The following HECW1 variants were observed in gnomAD, a reference collection of about 807,000 sequenced individuals.
HECW1 encodes E3 ubiquitin-protein ligase HECW1.
In HECW1, 61 loss-of-function variants were observed where a neutral mutation model predicts 182.3. The ratio of observed to expected loss-of-function variants is 0.33; its 90% CI spans 0.27 to 0.41. The LOEUF (loss-of-function observed/expected upper bound fraction) is 0.41, where lower values mean the gene tolerates loss of function less well. Among genes scored for constraint, HECW1 ranks in the 10% least tolerant of loss-of-function variants. The pLI is 1.00. For synonymous variants in HECW1, 859 were observed against 832.6 expected (o/e 1.03, Z -0.55); for missense variants, 1,739 against 2,108.9 (o/e 0.82, Z 3.44).
rs528821446 is a variant in HECW1, at chr7:43,426,849, T to C, written c.802-11154T>C. ...TTTATTTTCTGGAAAATATTCATTA[T>C]ATATGCTTTCTATTTATTTTCAGAA... On this transcript the variant is annotated intron_variant, in intron 8 of 29. Coordinates refer to ENST00000395891, the MANE Select transcript of HECW1 (RefSeq NM_015052.5). 1.8e-4 allele frequency among the ~76,000 whole-genome samples: 28 copies of C among 152,284 alleles called. No individual in the cohort carries two copies. In the South Asian group the frequency reaches 3.5e-3, roughly 19 times the overall value.
intron 3 of HECW1, among the ~76,000 whole-genome samples, chr7:43,283,007 A>G (rs1170506355): frequency 6.6e-6 from 1 of 152,072 alleles, no homozygotes; most frequent in Non-Finnish European, 1.5e-5. Flanking sequence ...AATCCCAGCT[A>G]CTCGGGAGGC....
At chr7:43,345,799 TACACACACACAC>T (rs58255657) in intron 5 of HECW1, among the ~76,000 whole-genome samples, 4 of 150,790 alleles carry the variant, frequency 2.7e-5, no homozygotes, top group Middle Eastern at 3.4e-3. Flanking sequence ...ATCATATATA[TACACACACACAC>T]ACACACACAC....
intron 16 of HECW1, among the ~76,000 whole-genome samples, chr7:43,473,356 A>G (rs2078096892): frequency 6.6e-6 from 1 of 152,200 alleles, no homozygotes; most frequent in Non-Finnish European, 1.5e-5. Flanking sequence ...ACACAAACAC[A>G]CTAAGACACT....
intron 3 of HECW1, among the ~76,000 whole-genome samples, chr7:43,244,995 T>C (rs997066628): frequency 6.6e-6 from 1 of 152,246 alleles, no homozygotes; most frequent in Non-Finnish European, 1.5e-5. Flanking sequence ...CACAGGGCCC[T>C]GCTGCCTACT....
intron 5 of HECW1, among the ~76,000 whole-genome samples, chr7:43,324,881 A>G (rs1468641119): frequency 6.6e-6 from 1 of 150,412 alleles, no homozygotes; most frequent in Non-Finnish European, 1.5e-5. Flanking sequence ...ATTTCTTTTT[A>G]TGAGATTGGA....
At chr7:43,553,779 G>T (rs534243913) in intron 28 of HECW1, among the ~76,000 whole-genome samples, 1 of 151,346 alleles carries the variant, frequency 6.6e-6, no homozygotes, top group Admixed American at 6.6e-5. Flanking sequence ...GTGGCTTACT[G>T]TTGCCTGCAT....
chr7:43,202,881 A>G (rs1343760244), intron 2 of HECW1, among the ~76,000 whole-genome samples: 2 of 152,106 alleles, frequency 1.3e-5, no homozygotes, highest in Admixed American at 6.5e-5. Context: ...AAGCTCCCCA[A>G]CGGAGCACCT....
At chr7:43,393,057 A>G (rs1324906749) in intron 6 of HECW1, among the ~76,000 whole-genome samples, 1 of 152,220 alleles carries the variant, frequency 6.6e-6, no homozygotes, top group East Asian at 1.9e-4. Flanking sequence ...AATACCCTGC[A>G]GAATCTTCTA....
At chr7:43,175,476 T>C (rs1792137405) in intron 2 of HECW1, among the ~76,000 whole-genome samples, 1 of 152,362 alleles carries the variant, frequency 6.6e-6, no homozygotes, top group South Asian at 2.1e-4. Context: ...ATTGTCATTA[T>C]TTTTAAAGTT....
At chr7:43,313,868 T>C (rs1376111309) in intron 4 of HECW1, among the ~76,000 whole-genome samples, 2 of 152,164 alleles carry the variant, frequency 1.3e-5, no homozygotes, top group Non-Finnish European at 1.5e-5. Context: ...CTCCCACCCA[T>C]TCGGACCTTC....
At position 43,133,445 on chromosome 7, in the gene HECW1, T is replaced by C. The variant is rs191798880; in HGVS notation, c.-32+19054T>C. Among the ~76,000 whole-genome samples the C allele has an allele frequency of 6.8e-3, 1,028 of 152,142 alleles. 13 individuals carry two copies. The highest frequency in any genetic ancestry group is 0.024 in the African/African-American group (982 of 41,570). ...CTGATAAATTAATTCATTAATCTTA[T>C]GGTTATTGGTCTCTTTAGTTTTTAT... On this transcript the variant is annotated intron_variant, in intron 2 of 29. Transcript: ENST00000395891.
At chr7:43,169,909 T>C (rs111430984) in intron 2 of HECW1, among the ~76,000 whole-genome samples, 382 of 152,290 alleles carry the variant, frequency 2.5e-3, no homozygotes, top group African/African-American at 8.7e-3. Context: ...CTGATTGATT[T>C]TGAGCCTCTA....
At chr7:43,147,475 C>A (rs1044996599) in intron 2 of HECW1, 3 of 152,156 alleles carry the variant, frequency 2.0e-5, no homozygotes, top group Non-Finnish European at 4.4e-5. Flanking sequence ...CATAGATAAA[C>A]GTGTAAGAGG....
chr7:43,339,799 T>C (rs1317504957), intron 5 of HECW1, among the ~76,000 whole-genome samples: 1 of 152,154 alleles, frequency 6.6e-6, no homozygotes, highest in Non-Finnish European at 1.5e-5. Flanking sequence ...CCTCTGGCTA[T>C]CCCATGTTCC....
chr7:43,344,073 T>C (rs576963760), intron 5 of HECW1, among the ~76,000 whole-genome samples: 1 of 151,984 alleles, frequency 6.6e-6, no homozygotes, highest in East Asian at 1.9e-4. Flanking sequence ...AAGTGTCTGT[T>C]CATATCCTTT....
intron 6 of HECW1, among the ~76,000 whole-genome samples, chr7:43,381,584 G>A (rs539732895): frequency 8.6e-5 from 13 of 151,928 alleles, no homozygotes; most frequent in African/African-American, 3.1e-4. Context: ...CACCTCCCGG[G>A]TGATTCTCCT....
At chr7:43,405,247 A>G (rs1347046068) in intron 7 of HECW1, among the ~76,000 whole-genome samples, 1 of 146,648 alleles carries the variant, frequency 6.8e-6, no homozygotes, top group Non-Finnish European at 1.6e-5. Flanking sequence ...TTTTATGATG[A>G]ATGTTTTATA....
intron 3 of HECW1, among the ~76,000 whole-genome samples, chr7:43,279,168 G>GT (rs1803572006): frequency 6.6e-6 from 1 of 152,176 alleles, no homozygotes. Flanking sequence ...TTTGTGCTAT[G>GT]TGTAAGGGCA....
intron 3 of HECW1, among the ~76,000 whole-genome samples, chr7:43,290,796 C>T (rs929614900): frequency 6.6e-6 from 1 of 152,114 alleles, no homozygotes; most frequent in African/African-American, 2.4e-5. Flanking sequence ...ATGGTGGGGC[C>T]CAGGGAGGCA....
Sources: allele counts gnomAD v4.1 joint callset (sites outside exome capture counted in the v4.1 genomes callset), GRCh38; gene constraint gnomAD v4.1.1; transcripts MANE v1.5; gene names NCBI Gene and HGNC (gene_info 2026-07-23, HGNC 2026-07-21).